VIPR1: variants seen among roughly 807,000 people sequenced by gnomAD.
VIPR1 encodes the protein vasoactive intestinal polypeptide receptor 1.
Under a neutral mutation model 58.8 loss-of-function variants are expected in VIPR1, and 59 were observed. The observed-to-expected ratio is 1.00, with a 90% confidence interval of 0.81 to 1.25. The LOEUF (loss-of-function observed/expected upper bound fraction) is 1.25, where lower values mean the gene tolerates loss of function less well. Among genes scored for constraint, VIPR1 ranks in the 50% most tolerant of loss-of-function variants. The probability of loss-of-function intolerance (pLI) is 0.00; values close to 1 mark genes in which losing one functional copy is unlikely to be tolerated. For missense variants in VIPR1, 626 were observed against 602.7 expected, an observed-to-expected ratio of 1.04 and a Z score of -0.40; for synonymous variants, 251 against 242.1, an observed-to-expected ratio of 1.04 and a Z score of -0.34.
At chr3:42,535,942 C>A in intron 12 of VIPR1, 148 bp from the exon 13 acceptor site, 1 of 1,003,666 alleles carries the variant, frequency 1.0e-6, no homozygotes, top group Non-Finnish European at 1.4e-6. Context: ...CCCAAGTTTG[C>A]ACCGCCCGAG....
intron 2 of VIPR1, 26 bp downstream of exon 2, chr3:42,513,880 G>T: frequency 6.5e-7 from 1 of 1,548,912 alleles, no homozygotes; most frequent in South Asian, 1.2e-5. Context: ...GCAGAGAGGG[G>T]CTGCATGCCC....
chr3:42,497,420 A>G (rs1294142560), intron 1 of VIPR1, among the ~76,000 whole-genome samples: 6 of 152,054 alleles, frequency 3.9e-5, no homozygotes, highest in Non-Finnish European at 8.8e-5. Context: ...AAGGGCACAC[A>G]CTCACATGCT....
rs1005579438 is a variant in VIPR1, at chr3:42,525,901, C to T, written c.307C>T (p.Arg103Cys). Residue 103 changes from arginine (R) to cysteine (C), a missense_variant, in exon 4 of 13, where the codon CGC (arginine) becomes TGC (cysteine). By Grantham distance (180) the Arg-to-Cys change is radical. Transcript: ENST00000325123. ...FSSIQGRNVSRSCTDEGWTHL... is the reference protein window; with the variant it reads ...FSSIQGRNVSCSCTDEGWTHL... ...CCTCCACCCAGGCCGCAATGTAAGC[C>T]GCAGCTGCACCGACGAAGGCTGGAC... 1.1e-5 allele frequency: 18 copies of T among 1,611,578 alleles called. No individual in the cohort carries two copies. Among genetic ancestry groups the T allele is most frequent in the South Asian group, 3.3e-5 (3 of 90,352 alleles).
intron 1 of VIPR1, chr3:42,512,259 G>A (rs775272472): frequency 1.3e-5 from 2 of 152,246 alleles, no homozygotes; most frequent in Non-Finnish European, 2.9e-5. Flanking sequence ...TGGCCTGCAG[G>A]TGACCTGTGA....
chr3:42,507,087 C>A (rs2125635504), intron 1 of VIPR1: 1 of 152,316 alleles, frequency 6.6e-6, no homozygotes, highest in Middle Eastern at 3.4e-3. Flanking sequence ...TTTCAGAATG[C>A]ATCTCTAAAA....
chr3:42,531,559 G>A lies in VIPR1; in HGVS notation c.851+28G>A, dbSNP rs141356995. On this transcript the variant is annotated intron_variant, in intron 8 of 12. Transcript: ENST00000325123. ...GAGCTGCTGCCCCACACACTCCCCC[G>A]GCCGCCATCACTTGGGCAGGCCCCC... 2.6e-4 allele frequency: 415 copies of A among 1,589,496 alleles called. 2 individuals carry two copies. The East Asian group carries it at 5.6e-3, about 22-fold the overall frequency.
chr3:42,535,108 T>C lies in VIPR1; in HGVS notation c.1140+4T>C, dbSNP rs934578371. On this transcript the variant is annotated splice_donor_region_variant and intron_variant, in intron 11 of 12. Transcript: ENST00000325123. ...GCTCGTCGTGGGGTCTTTCCAGGTA[T>C]GGGCTGTTGACTTAAGGCTGCATTC... The C allele has an allele frequency of 6.2e-7, 1 of 1,614,138 alleles. No homozygotes were observed. Among genetic ancestry groups the C allele is most frequent in the African/African-American group, 1.3e-5 (1 of 74,956 alleles).
chr3:42,514,680 T>C (rs1159580125), intron 2 of VIPR1, among the ~76,000 whole-genome samples: 4 of 151,752 alleles, frequency 2.6e-5, no homozygotes, highest in African/African-American at 4.8e-5. Flanking sequence ...ATTATTCGGC[T>C]GATGAGACAA....
chr3:42,499,974 G>A (rs931256963), upstream of VIPR1: 5 of 152,192 alleles, frequency 3.3e-5, no homozygotes, highest in Non-Finnish European at 7.3e-5. Context: ...AATTTTTTAG[G>A]TTTTTGTTTG....
At chr3:42,526,212 C>T (rs988153384) in intron 4 of VIPR1, among the ~76,000 whole-genome samples, 24 of 152,208 alleles carry the variant, frequency 1.6e-4, no homozygotes, top group African/African-American at 5.8e-4. Flanking sequence ...GAGGGGCCCC[C>T]AGAGCAGCAA....
At position 42,530,820 on chromosome 3, in the gene VIPR1, C is replaced by CA. The variant is rs753761031; in HGVS notation, c.679dup (p.Met227AsnfsTer3). 4 of 1,614,140 alleles carry CA rather than the reference C, an allele frequency of 2.5e-6. No homozygotes were observed. In the East Asian group the frequency reaches 8.9e-5, roughly 36 times the overall value. On this transcript the variant is annotated frameshift_variant, in exon 7 of 13. Coordinates refer to ENST00000325123, the MANE Select transcript of VIPR1 (RefSeq NM_004624.4). LOFTEE classifies it high-confidence loss of function. ...CCATGGTCTTTTTCCAATATTGTGT[C>CA]ATGGCTAACTTCTTCTGGCTGCTGG...
intron 1 of VIPR1, among the ~76,000 whole-genome samples, chr3:42,496,057 C>G (rs1457102669): frequency 6.6e-6 from 1 of 151,932 alleles, no homozygotes; most frequent in Non-Finnish European, 1.5e-5. Context: ...GCCAACATGG[C>G]GAAATCCCGT....
At chr3:42,489,519 C>T (rs1170723232) in exon 1 of VIPR1, 1 of 152,302 alleles carries the variant, frequency 6.6e-6, no homozygotes, top group African/African-American at 2.4e-5. Context: ...GTGGCTTCCC[C>T]CCAATCAGAA....
At chr3:42,495,762 G>A (rs1699746969) in intron 1 of VIPR1, among the ~76,000 whole-genome samples, 1 of 152,018 alleles carries the variant, frequency 6.6e-6, no homozygotes, top group Non-Finnish European at 1.5e-5. Context: ...TAGCAGCTGA[G>A]AATGACACCC....
Position 42,505,575 on chromosome 3 carries a change from T to C in VIPR1, c.78+2762T>C, listed in dbSNP as rs1700083442. Among the ~76,000 whole-genome samples, 3 of 152,194 alleles carry C rather than the reference T, an allele frequency of 2.0e-5. No homozygotes were observed. The South Asian group carries it at 6.2e-4, about 31-fold the overall frequency. The stretch of plus-strand genomic sequence containing the variant: ...GGTCAGGCCTCCTCCTCAAGTGAGG[T>C]TACCACCTCAGTTAGGCCTGGCCAG... On this transcript the variant is annotated intron_variant, in intron 1 of 12. Coordinates refer to ENST00000325123, the MANE Select transcript of VIPR1 (RefSeq NM_004624.4).
intron 1 of VIPR1, among the ~76,000 whole-genome samples, chr3:42,495,132 A>AT (rs1366707922): frequency 6.6e-6 from 1 of 151,824 alleles, no homozygotes; most frequent in Admixed American, 6.6e-5. Flanking sequence ...CATATTTTTT[A>AT]TTTTTTTGAG....
chr3:42,501,628 A>G (rs910806701), upstream of VIPR1, among the ~76,000 whole-genome samples: 1 of 152,172 alleles, frequency 6.6e-6, no homozygotes, highest in Non-Finnish European at 1.5e-5. This position sits in a 1 kb window ranked among gnomAD's most constrained non-coding sequence, Gnocchi z 4.8. Context: ...CGAATAAACG[A>G]GAAAAGGGGC....
In VIPR1 at chr3:42,527,556, T is replaced by C. The variant is rs1320473097; in HGVS notation, c.503+60T>C. The C allele has an allele frequency of 4.2e-5, 66 of 1,559,606 alleles. 1 individual carries two copies. In the South Asian group the frequency reaches 6.7e-4, roughly 16 times the overall value. ...AACCTGGCAAGTGTCCCTCCCACAGTGGAGCCCAGCGTGGCCCAGGCGTGC... is the reference window on the plus strand; with the variant it reads ...AACCTGGCAAGTGTCCCTCCCACAGCGGAGCCCAGCGTGGCCCAGGCGTGC... On this transcript the variant is annotated intron_variant, in intron 5 of 12. Transcript: ENST00000325123.
upstream of VIPR1, among the ~76,000 whole-genome samples, chr3:42,500,694 G>T (rs187133066): frequency 1.1e-4 from 17 of 152,232 alleles, no homozygotes; most frequent in South Asian, 2.9e-3. Context: ...GGTACACAGG[G>T]TCATAAGGAG....
Sources: allele counts gnomAD v4.1 joint callset (sites outside exome capture counted in the v4.1 genomes callset), GRCh38; gene constraint gnomAD v4.1.1; non-coding constraint Gnocchi (gnomAD v3.1); transcripts MANE v1.5; gene names NCBI Gene and HGNC (gene_info 2026-07-23, HGNC 2026-07-21).